Variants in POFUT1 observed in about 807,000 individuals in gnomAD.
POFUT1 encodes protein O-fucosyltransferase 1, also known as GDP-fucose protein O-fucosyltransferase 1.
In POFUT1, 16 loss-of-function variants were observed where a neutral mutation model predicts 42.4. The ratio of observed to expected loss-of-function variants is 0.38; its 90% CI spans 0.26 to 0.57. POFUT1 has a LOEUF of 0.57. POFUT1 is among the 20% of genes least tolerant of loss of function. The pLI is 0.71. For synonymous variants in POFUT1, 206 were observed against 205.4 expected (o/e 1.00, Z -0.03); for missense variants, 470 against 504.6 (o/e 0.93, Z 0.66).
At chr20:32,219,789 G>A (rs912422430) in intron 4 of POFUT1, among the ~76,000 whole-genome samples, 1 of 152,002 alleles carries the variant, frequency 6.6e-6, no homozygotes, top group Non-Finnish European at 1.5e-5. Flanking sequence ...GAGCCACCGC[G>A]CCCGGCCAAC....
chr20:32,208,629 C>T (rs2047307911), intron 1 of POFUT1, among the ~76,000 whole-genome samples: 1 of 107,556 alleles, frequency 9.3e-6, no homozygotes, highest in South Asian at 3.0e-4. Flanking sequence ...GCCTAGGCAA[C>T]ATAGTGAAAA....
At chr20:32,209,961 C>T in intron 1 of POFUT1, 110 bp from the exon 2 acceptor site, 1 of 1,198,966 alleles carries the variant, frequency 8.3e-7, no homozygotes, top group South Asian at 1.3e-5. Flanking sequence ...CCCTAGTTCT[C>T]CTTGGTATCC....
At chr20:32,217,091 C>A in intron 4 of POFUT1, 1 of 1,608,106 alleles carries the variant, frequency 6.2e-7, no homozygotes, top group East Asian at 2.2e-5. Flanking sequence ...AGGTGCAGAC[C>A]GAGAAATGAC....
At position 32,227,977 on chromosome 20, in the gene POFUT1, A is replaced by G. The variant is rs149845847; in HGVS notation, c.543-286A>G. ...CGCAGATTGGAAGCCAGTGTGACAT[A>G]TAAAAGGTTGGAATGCTCTCCTGTA... is the stretch of plus-strand genomic sequence containing the variant. On this transcript the variant is annotated intron_variant, in intron 4 of 6. Coordinates refer to ENST00000375749, the MANE Select transcript of POFUT1 (RefSeq NM_015352.2). Among the ~76,000 whole-genome samples the G allele has an allele frequency of 3.9e-5, 6 of 152,292 alleles. No homozygotes were observed. In the East Asian group the frequency reaches 9.6e-4, roughly 24 times the overall value.
chr20:32,212,675 G>A (rs1250048935), intron 2 of POFUT1, among the ~76,000 whole-genome samples: 1 of 152,066 alleles, frequency 6.6e-6, no homozygotes, highest in Non-Finnish European at 1.5e-5. Flanking sequence ...TCTGCCTCCC[G>A]GGTTCAAGTG....
intron 4 of POFUT1, among the ~76,000 whole-genome samples, chr20:32,226,454 G>C (rs1463980893): frequency 6.9e-6 from 1 of 144,822 alleles, no homozygotes; most frequent in Non-Finnish European, 1.5e-5. Flanking sequence ...GTGCATGCCT[G>C]TGTGTGTGTG....
At chr20:32,234,222 G>A (rs926159728) in intron 6 of POFUT1, among the ~76,000 whole-genome samples, 12 of 152,218 alleles carry the variant, frequency 7.9e-5, no homozygotes, top group Non-Finnish European at 1.8e-4. Context: ...CAGGCAGAGG[G>A]AACAGCACAA....
At chr20:32,213,353 G>A (rs2047340734) in intron 2 of POFUT1, among the ~76,000 whole-genome samples, 2 of 151,808 alleles carry the variant, frequency 1.3e-5, no homozygotes, top group South Asian at 4.2e-4. Context: ...CTATTCAGGA[G>A]GCTGAGGCAG....
At chr20:32,213,473 A>G (rs1434501468) in intron 2 of POFUT1, among the ~76,000 whole-genome samples, 1 of 149,374 alleles carries the variant, frequency 6.7e-6, no homozygotes, top group East Asian at 2.0e-4. Context: ...AAAAAAAAGT[A>G]GAAAAATATA....
intron 4 of POFUT1, among the ~76,000 whole-genome samples, chr20:32,226,452 CTGTGTGTGTGTG>C (rs33999719): frequency 6.8e-6 from 1 of 147,628 alleles, no homozygotes; most frequent in Non-Finnish European, 1.5e-5. Context: ...GAGTGCATGC[CTGTGTGTGTGTG>C]TGTGTGTGTG....
At chr20:32,223,388 G>A in intron 4 of POFUT1, 2 of 985,396 alleles carry the variant, frequency 2.0e-6, no homozygotes, top group South Asian at 9.4e-5. Context: ...CTGAGCTGAT[G>A]TTGTCCCACT....
chr20:32,225,795 G>GA (rs958475688), intron 4 of POFUT1, among the ~76,000 whole-genome samples: 39 of 151,260 alleles, frequency 2.6e-4, no homozygotes, highest in African/African-American at 8.2e-4. Flanking sequence ...AACCACAATT[G>GA]AAAAAAAACA....
chr20:32,208,009 G>T lies in POFUT1; in HGVS notation c.68G>T (p.Gly23Val). The T allele has an allele frequency of 6.3e-7, 1 of 1,587,228 alleles. No homozygotes were observed. Residue 23 changes from glycine to valine, a missense_variant, in exon 1 of 7, where the codon GGG becomes GTG. Physicochemically the swap from Gly to Val is moderately radical, Grantham distance 109. Transcript: ENST00000375749. ...CTGCTGCTGCTTCTGCCGCTCCCGG[G>T]GATGCCTGCGGGCTCCTGGGACCCG... ...SFLLLLLPLPGMPAGSWDPAG... is the reference protein window; with the variant it reads ...SFLLLLLPLPVMPAGSWDPAG...
chr20:32,228,649 A>G (rs1213319890), intron 5 of POFUT1, among the ~76,000 whole-genome samples, 194 bp downstream of exon 5: 3 of 152,224 alleles, frequency 2.0e-5, no homozygotes, highest in Non-Finnish European at 4.4e-5. Context: ...GCCAGGTCTC[A>G]CTTTAGCAGC....
chr20:32,210,491 A>C (rs1041257386), intron 2 of POFUT1, among the ~76,000 whole-genome samples: 2 of 152,254 alleles, frequency 1.3e-5, no homozygotes, highest in Non-Finnish European at 2.9e-5. Context: ...GAGAGCTGGA[A>C]TTCAAAGCTA....
At chr20:32,230,262 C>T (rs1317479200) in intron 5 of POFUT1, among the ~76,000 whole-genome samples, 1 of 151,940 alleles carries the variant, frequency 6.6e-6, no homozygotes, top group Non-Finnish European at 1.5e-5. Context: ...TGGTGGGCAC[C>T]TGTAGTCCCA....
intron 4 of POFUT1, among the ~76,000 whole-genome samples, chr20:32,219,719 G>C (rs958851569): frequency 1.3e-5 from 2 of 151,816 alleles, no homozygotes; most frequent in African/African-American, 2.4e-5. Flanking sequence ...GGATGGTCTC[G>C]ATCTCTTGCC....
rs764937706 is a variant in POFUT1 at position 32,215,262 on chromosome 20, C to G, written c.247-7C>G. On this transcript the variant is annotated splice_region_variant and splice_polypyrimidine_tract_variant and intron_variant, in intron 2 of 6. Coordinates refer to ENST00000375749, the MANE Select transcript of POFUT1 (RefSeq NM_015352.2). ...AGACGGGACCTCTGCTCCTCCTTTT[C>G]CTGTAGCTCCATGTGTCCTACCAGA... 2 of 1,603,372 alleles carry G rather than the reference C, an allele frequency of 1.2e-6. No homozygotes were observed. Among genetic ancestry groups the G allele is most frequent in the Non-Finnish European group, 8.5e-7 (1 of 1,171,138 alleles).
At position 32,230,070 on chromosome 20, in the gene POFUT1, G is replaced by T. The variant is rs141201640; in HGVS notation, c.736-749G>T. Among the ~76,000 whole-genome samples the T allele has an allele frequency of 3.9e-4, 59 of 152,070 alleles. 1 individual carries two copies. The South Asian group carries it at 0.011, about 29-fold the overall frequency. On this transcript the variant is annotated intron_variant, in intron 5 of 6. Transcript: ENST00000375749. ...TGGGATTACAGGTGCGAGGCACTGC[G>T]CCTGGTCCTCAGTGTTTTCTTTAAA...
Sources: allele counts gnomAD v4.1 joint callset (sites outside exome capture counted in the v4.1 genomes callset), GRCh38; gene constraint gnomAD v4.1.1; transcripts MANE v1.5; gene names NCBI Gene and HGNC (gene_info 2026-07-23, HGNC 2026-07-21).